TESPA1: variants seen among roughly 807,000 people sequenced by gnomAD.
TESPA1 encodes thymocyte expressed, positive selection associated 1.
Under a neutral mutation model 57.9 loss-of-function variants are expected in TESPA1, and 33 were observed. The observed-to-expected ratio is 0.57, with a 90% CI of 0.43 to 0.76. The LOEUF (loss-of-function observed/expected upper bound fraction) is 0.76, where lower values mean the gene tolerates loss of function less well. Among genes scored for constraint, TESPA1 ranks in the 30% least tolerant of loss-of-function variants. The pLI, the probability that TESPA1 is intolerant of heterozygous loss-of-function variation, is 0.00. For synonymous variants in TESPA1, 227 were observed against 228.9 expected (o/e 0.99, Z 0.07); for missense variants, 618 against 632.9 (o/e 0.98, Z 0.25).
chr12:54,951,730 C>A (rs969460156), intron 10 of TESPA1, among the ~76,000 whole-genome samples: 2 of 152,054 alleles, frequency 1.3e-5, no homozygotes, highest in Non-Finnish European at 2.9e-5. Flanking sequence ...CTGAAGACTA[C>A]ACCCTCCTTC....
chr12:54,963,830 G>A lies in TESPA1; in HGVS notation c.567C>T (p.Pro189=), dbSNP rs978769491. 8.7e-6 allele frequency: 14 copies of A among 1,613,882 alleles called. No individual in the cohort carries two copies. The highest frequency in any genetic ancestry group is 1.7e-5 in the Admixed American group (1 of 60,000). ...SRIPARFFTT[P]SQAKGIDFQL... ...GGAAATCAATGCCCTTGGCCTGAGA[G>A]GGGGTGGTGAAAAATCGGGCGGGTA... Residue 189 remains proline, a synonymous_variant, in exon 8 of 11, where the codon CCC becomes CCT. Transcript: ENST00000449076.
intron 1 of TESPA1, 112 bp from the exon 2 acceptor site, chr12:54,974,719 T>G: frequency 2.9e-6 from 2 of 698,030 alleles, no homozygotes; most frequent in Non-Finnish European, 4.1e-6. Flanking sequence ...TTGGTCTCTC[T>G]GACCATTCAA....
intron 1 of TESPA1, among the ~76,000 whole-genome samples, chr12:54,976,844 A>T (rs1305140304): frequency 6.6e-6 from 1 of 152,180 alleles, no homozygotes; most frequent in Non-Finnish European, 1.5e-5. Context: ...ATCTTCAAAA[A>T]TATATCGCAA....
intron 4 of TESPA1, 42 bp downstream of exon 4, chr12:54,967,801 C>A: frequency 6.2e-7 from 1 of 1,610,856 alleles, no homozygotes; most frequent in Non-Finnish European, 8.5e-7. Flanking sequence ...GTATATCACT[C>A]TCCAGGTAGA....
At chr12:54,966,184 T>G (rs370442180) in intron 6 of TESPA1, 33 bp from the exon 7 acceptor site, 21 of 1,563,452 alleles carry the variant, frequency 1.3e-5, no homozygotes, top group Non-Finnish European at 1.7e-5. Flanking sequence ...CATACAAATC[T>G]TGTTTCCAGT....
chr12:54,950,752 A>G (rs990456682), intron 10 of TESPA1, among the ~76,000 whole-genome samples: 1 of 152,178 alleles, frequency 6.6e-6, no homozygotes, highest in African/African-American at 2.4e-5. Flanking sequence ...TCAACTAGCA[A>G]TGCATTTTCT....
chr12:54,961,549 G>A (rs972082480), intron 9 of TESPA1, among the ~76,000 whole-genome samples: 1 of 152,234 alleles, frequency 6.6e-6, no homozygotes, highest in Admixed American at 6.5e-5. Context: ...CTTCATGGAA[G>A]TATCTTCCAT....
chr12:54,976,166 T>C (rs947643436), intron 1 of TESPA1, among the ~76,000 whole-genome samples: 1 of 152,194 alleles, frequency 6.6e-6, no homozygotes, highest in Non-Finnish European at 1.5e-5. Flanking sequence ...GGAGATAATG[T>C]CCATTAAATC....
At chr12:54,959,195 A>G (rs1337792543) in intron 10 of TESPA1, among the ~76,000 whole-genome samples, 1 of 152,128 alleles carries the variant, frequency 6.6e-6, no homozygotes, top group African/African-American at 2.4e-5. Context: ...GTGCCTCTGG[A>G]TTGTGACTCT....
chr12:54,973,316 C>T (rs745860020), intron 3 of TESPA1, among the ~76,000 whole-genome samples, 161 bp downstream of exon 3: 21 of 152,152 alleles, frequency 1.4e-4, no homozygotes, highest in Non-Finnish European at 2.8e-4. Flanking sequence ...CACCAGTTCA[C>T]CCTAAACCCG....
intron 1 of TESPA1, among the ~76,000 whole-genome samples, chr12:54,983,805 A>G (rs1040345009): frequency 6.6e-6 from 1 of 152,144 alleles, no homozygotes; most frequent in Non-Finnish European, 1.5e-5. Flanking sequence ...AAACTCATGT[A>G]GGTGGTGATA....
intron 1 of TESPA1, 26 bp from the exon 2 acceptor site, chr12:54,974,633 C>A (rs764486648): frequency 2.1e-6 from 3 of 1,397,740 alleles, no homozygotes; most frequent in Non-Finnish European, 2.8e-6. Context: ...CAGTGATACT[C>A]CCTCATCATA....
At position 54,966,149 on chromosome 12, in the gene TESPA1, C is replaced by G. The variant is rs1389521602; in HGVS notation, c.350G>C (p.Ser117Thr). Residue 117 changes from serine to threonine, a missense_variant and splice_region_variant, in exon 7 of 11, where the codon AGT becomes ACT. Around this residue, in one of 3 missense-constraint regions of TESPA1, gnomAD observed 199 missense variants for 184.0 expected, o/e 1.08. Coordinates refer to ENST00000449076, the MANE Select transcript of TESPA1 (RefSeq NM_001136030.3). ...GCAAGGCCTGGCTGTCTCGAGGAAA[C>G]TCCTGCAGAGATCAAAGCTGATGTC... ...LAANGKLFSR[S>T]FLETARPCQL... The G allele has an allele frequency of 4.5e-6, 7 of 1,567,596 alleles. No individual in the cohort carries two copies. The highest frequency in any genetic ancestry group is 6.1e-6 in the Non-Finnish European group (7 of 1,155,450).
intron 10 of TESPA1, among the ~76,000 whole-genome samples, chr12:54,953,456 C>G (rs1291614552): frequency 6.6e-6 from 1 of 152,030 alleles, no homozygotes; most frequent in East Asian, 1.9e-4. Context: ...TCCTCAGCCA[C>G]CTTCTCCCTG....
intron 9 of TESPA1, 39 bp from the exon 10 acceptor site, chr12:54,961,306 G>A (rs1348624220): frequency 6.2e-7 from 1 of 1,611,518 alleles, no homozygotes; most frequent in Admixed American, 1.7e-5. Context: ...CAGAGCCAAG[G>A]GGGAAAGGGG....
At chr12:54,977,096 A>C (rs1952165782) in intron 1 of TESPA1, among the ~76,000 whole-genome samples, 1 of 151,906 alleles carries the variant, frequency 6.6e-6, no homozygotes, top group South Asian at 2.1e-4. Context: ...TCTTATCACT[A>C]ACATACCTTA....
chr12:54,962,788 C>A lies in TESPA1; in HGVS notation c.1110G>T (p.Gln370His). The A allele has an allele frequency of 6.2e-7, 1 of 1,613,908 alleles. No individual in the cohort carries two copies. Among genetic ancestry groups the A allele is most frequent in the Non-Finnish European group, 8.5e-7 (1 of 1,179,890 alleles). The part of the protein sequence containing the change: ...CVFCCEEETQ[Q>H]RMSTVLAPSQ... ...ATGGTGCTAGCACTGTGGACATCCT[C>A]TGCTGTGTTTCCTCTTCACAGCAGA... The change falls in exon 9 of 11, where the codon CAG (glutamine) becomes CAT (histidine). Residue 370 changes from glutamine to histidine, a missense_variant. Around this residue, in one of 3 missense-constraint regions of TESPA1, gnomAD observed 409 missense variants for 420.1 expected, o/e 0.97. Transcript: ENST00000449076.
At chr12:54,964,749 T>C (rs765307112) in intron 7 of TESPA1, among the ~76,000 whole-genome samples, 2 of 152,250 alleles carry the variant, frequency 1.3e-5, no homozygotes, top group Non-Finnish European at 2.9e-5. Flanking sequence ...TCGGAATCCC[T>C]GGATCTACTC....
Position 54,969,021 on chromosome 12 carries a change from G to GTGTGTGTATATATATATA in TESPA1, c.207-1130_207-1129insTATATATATATACACACA, listed in dbSNP as rs370590552. On this transcript the variant is annotated intron_variant, in intron 3 of 10. Transcript: ENST00000449076. ...AATAAGTCACTACATATTTATATAT[G>GTGTGTGTATATATATATA]TATATATATATATATATATATATAT... 3.9e-3 allele frequency among the ~76,000 whole-genome samples: 322 copies of GTGTGTGTATATATATATA among 83,632 alleles called. 2 individuals carry two copies. Among genetic ancestry groups the GTGTGTGTATATATATATA allele is most frequent in the African/African-American group, 0.013 (292 of 21,928 alleles). The allele number at this position is 83,632 out of a possible 152,430, so 54.9% of individuals were successfully genotyped here. A position where few individuals can be genotyped will look rare whatever the true frequency, so the allele number is the denominator to read the frequency against.
Sources: allele counts gnomAD v4.1 joint callset (sites outside exome capture counted in the v4.1 genomes callset), GRCh38; gene constraint gnomAD v4.1.1; regional missense constraint gnomAD v4.1.1; transcripts MANE v1.5; gene names NCBI Gene and HGNC (gene_info 2026-07-23, HGNC 2026-07-21).